CIB2: variants seen among roughly 807,000 people sequenced by gnomAD.
CIB2 encodes the protein calcium and integrin-binding family member 2.
In CIB2, 19 loss-of-function variants were observed where a neutral mutation model predicts 23.1. That is an observed-to-expected ratio of 0.82 (90% confidence interval 0.57 to 1.21). The LOEUF is 1.21. Among genes scored for constraint, CIB2 ranks in the 50% most tolerant of loss-of-function variants. The pLI is 0.00. For missense variants in CIB2, 220 were observed against 241.5 expected (o/e 0.91, Z 0.59); for synonymous variants, 94 against 91.7 (o/e 1.03, Z -0.14).
chr15:78,120,816 A>C, intron 2 of CIB2: 1 of 858,258 alleles, frequency 1.2e-6, no homozygotes, highest in Non-Finnish European at 1.4e-6. Context: ...GTACGCAGGG[A>C]GCAGCTTACC....
In CIB2 at chr15:78,109,899, C is replaced by T. The variant is rs142901900; in HGVS notation, c.199-517G>A. Among the ~76,000 whole-genome samples, 212 of 151,852 alleles carry T rather than the reference C, an allele frequency of 1.4e-3. 1 individual carries two copies. Among genetic ancestry groups the T allele is most frequent in the African/African-American group, 4.1e-3 (170 of 41,410 alleles). On this transcript the variant is annotated intron_variant, in intron 3 of 5. Coordinates refer to ENST00000258930, the MANE Select transcript of CIB2 (RefSeq NM_006383.4). ...TGAAGCAGAAGCAGAAGCACAGATT[C>T]GTCCTGTTACCCAGAAGAGCACACA...
chr15:78,126,446 C>CT (rs1260663532), intron 1 of CIB2, among the ~76,000 whole-genome samples: 2 of 152,120 alleles, frequency 1.3e-5, no homozygotes, highest in African/African-American at 2.4e-5. Flanking sequence ...GCATAGCCTT[C>CT]TTTTTTTCTT....
intron 1 of CIB2, among the ~76,000 whole-genome samples, chr15:78,127,343 A>C (rs2074394724): frequency 6.6e-6 from 1 of 152,166 alleles, no homozygotes; most frequent in African/African-American, 2.4e-5. Flanking sequence ...GACAGTACAC[A>C]GGGACACAGG....
intron 2 of CIB2, among the ~76,000 whole-genome samples, chr15:78,123,157 C>A (rs1253580221): frequency 6.6e-6 from 1 of 152,156 alleles, no homozygotes; most frequent in Non-Finnish European, 1.5e-5. Flanking sequence ...GAAGCAGAGC[C>A]CTGATGAATA....
intron 2 of CIB2, 38 bp downstream of exon 2, chr15:78,123,667 T>A (rs1212083011): frequency 6.2e-7 from 1 of 1,612,550 alleles, no homozygotes; most frequent in Non-Finnish European, 8.5e-7. Flanking sequence ...CCGGCCCCAG[T>A]CCCAGTCCCA....
intron 2 of CIB2, among the ~76,000 whole-genome samples, chr15:78,117,051 A>G (rs1386939741): frequency 6.6e-6 from 1 of 151,756 alleles, no homozygotes; most frequent in Non-Finnish European, 1.5e-5. Flanking sequence ...CAAAAGATAT[A>G]AAAATATTTT....
At chr15:78,121,799 C>G (rs551935697) in intron 2 of CIB2, among the ~76,000 whole-genome samples, 1 of 152,204 alleles carries the variant, frequency 6.6e-6, no homozygotes, top group Admixed American at 6.5e-5. Context: ...TTCTTTATAG[C>G]AGCATGAGAA....
At chr15:78,124,026 G>A (rs1043028219) in intron 1 of CIB2, among the ~76,000 whole-genome samples, 3 of 152,140 alleles carry the variant, frequency 2.0e-5, no homozygotes, top group African/African-American at 7.2e-5. Context: ...GAAGATGAAT[G>A]CTCACAGGTA....
intron 1 of CIB2, among the ~76,000 whole-genome samples, chr15:78,124,341 G>A (rs1050335403): frequency 6.6e-6 from 1 of 152,024 alleles, no homozygotes; most frequent in African/African-American, 2.4e-5. Flanking sequence ...ACGTGGGCAG[G>A]GGGAACCAGG....
chr15:78,115,405 G>A (rs2074223602), intron 2 of CIB2, among the ~76,000 whole-genome samples: 2 of 151,808 alleles, frequency 1.3e-5, no homozygotes, highest in Admixed American at 6.6e-5. Flanking sequence ...AATTACAGGG[G>A]CATGCGACCA....
At chr15:78,108,866 T>C (rs1012611417) in intron 4 of CIB2, among the ~76,000 whole-genome samples, 19 of 151,818 alleles carry the variant, frequency 1.3e-4, no homozygotes, top group Admixed American at 9.8e-4. Context: ...TCCCATCTCC[T>C]TATCAAGCTC....
At chr15:78,118,078 T>C (rs2074264019) in intron 2 of CIB2, among the ~76,000 whole-genome samples, 1 of 152,200 alleles carries the variant, frequency 6.6e-6, no homozygotes, top group South Asian at 2.1e-4. Context: ...ATTTAAAATA[T>C]TGTATCAGAA....
chr15:78,130,471 G>A (rs1407662625), intron 1 of CIB2, among the ~76,000 whole-genome samples: 3 of 152,204 alleles, frequency 2.0e-5, no homozygotes, highest in Non-Finnish European at 2.9e-5. Context: ...CCACAGCGAA[G>A]TTTTTACCTG....
intron 2 of CIB2, chr15:78,120,718 G>A (rs2074306140): frequency 3.0e-6 from 3 of 985,502 alleles, no homozygotes; most frequent in African/African-American, 1.7e-5. Flanking sequence ...CTGTGACTCG[G>A]TATCACTGCC....
chr15:78,105,955 A>G, intron 4 of CIB2, 21 bp from the exon 5 acceptor site: 2 of 1,608,622 alleles, frequency 1.2e-6, no homozygotes, highest in African/African-American at 1.3e-5. Context: ...GGGGTTGGAC[A>G]TGTTCAAGTC....
intron 2 of CIB2, among the ~76,000 whole-genome samples, chr15:78,115,672 TTC>T (rs2074228698): frequency 6.8e-6 from 1 of 146,566 alleles, no homozygotes; most frequent in South Asian, 2.2e-4. Context: ...GGGTATCTCC[TTC>T]TCTTTTTTTT....
At chr15:78,117,638 T>C (rs1424571098) in intron 2 of CIB2, among the ~76,000 whole-genome samples, 2 of 152,234 alleles carry the variant, frequency 1.3e-5, no homozygotes, top group African/African-American at 2.4e-5. Context: ...TGAAAGATCT[T>C]ACACTATAAA....
At chr15:78,110,854 T>C (rs1184643034) in intron 3 of CIB2, 12 of 486,624 alleles carry the variant, frequency 2.5e-5, no homozygotes, top group African/African-American at 2.1e-4. Context: ...ACAGAAAAGT[T>C]ATCTAACAAA....
At chr15:78,130,200 G>C (rs372233304) in intron 1 of CIB2, among the ~76,000 whole-genome samples, 4 of 152,284 alleles carry the variant, frequency 2.6e-5, no homozygotes, top group African/African-American at 9.6e-5. Context: ...GGAGTCAGGG[G>C]AGAGGCATCA....
Sources: gnomAD v4.1 joint callset for allele counts (sites outside exome capture counted in the v4.1 genomes callset) on GRCh38, gnomAD v4.1.1 for gene constraint, MANE v1.5 for transcripts, NCBI Gene and HGNC (gene_info 2026-07-23, HGNC 2026-07-21) for gene names.